Variants in TNPO3 observed in about 807,000 individuals in gnomAD.
The protein encoded by TNPO3 is transportin-3.
A neutral mutation model predicts 122.8 loss-of-function variants in TNPO3; 65 were observed. That is an observed-to-expected ratio of 0.53 (90% CI 0.43 to 0.65). The LOEUF (loss-of-function observed/expected upper bound fraction) is 0.65. Among genes scored for constraint, TNPO3 ranks in the 30% least tolerant of loss-of-function variants. The probability of loss-of-function intolerance (pLI) is 0.00; values close to 1 mark genes in which losing one functional copy is unlikely to be tolerated. For synonymous variants in TNPO3, 372 were observed against 411.2 expected (o/e 0.90, Z 1.15); for missense variants, 850 against 1,136.7 (o/e 0.75, Z 3.63).
intron 5 of TNPO3, among the ~76,000 whole-genome samples, chr7:129,001,784 C>T (rs939832841): frequency 6.6e-6 from 1 of 152,210 alleles, no homozygotes; most frequent in African/African-American, 2.4e-5. Context: ...GCCTTTCTGT[C>T]CCGAAGTCAT....
rs962593701 is a variant in TNPO3 at position 128,984,348 on chromosome 7, C to T, written c.1691-89G>A. The T allele has an allele frequency of 1.5e-5, 12 of 784,070 alleles. 1 individual carries two copies. The East Asian group carries it at 2.1e-4, about 14-fold the overall frequency. 48.6% of individuals were successfully genotyped at this position (784,070 alleles called of 1,614,324 possible). On this transcript the variant is annotated intron_variant, in intron 12 of 22. Coordinates refer to ENST00000265388, the MANE Select transcript of TNPO3 (RefSeq NM_012470.4). ...ACATCATGTGAGTGACCAGAAAAAG[C>T]GAACTGGTTTGGTTCCATTCTTTTA...
intron 21 of TNPO3, among the ~76,000 whole-genome samples, chr7:128,961,512 A>T (rs2128981164): frequency 6.6e-6 from 1 of 152,032 alleles, no homozygotes; most frequent in East Asian, 1.9e-4. Flanking sequence ...CTAATGACAC[A>T]TTTCTTGGAA....
chr7:128,993,203 A>T (rs1800940272), intron 9 of TNPO3, among the ~76,000 whole-genome samples: 1 of 152,072 alleles, frequency 6.6e-6, no homozygotes, highest in Non-Finnish European at 1.5e-5. Flanking sequence ...TTCAGAGCTC[A>T]TTAGAATATA....
intron 12 of TNPO3, among the ~76,000 whole-genome samples, chr7:128,985,499 G>C (rs183970881): frequency 1.0e-3 from 154 of 152,296 alleles, no homozygotes; most frequent in African/African-American, 3.5e-3. Flanking sequence ...GGGAAGCTGA[G>C]ACACGAGGGT....
chr7:129,036,145 G>A (rs1019484434), intron 1 of TNPO3, among the ~76,000 whole-genome samples: 4 of 151,814 alleles, frequency 2.6e-5, no homozygotes, highest in Non-Finnish European at 4.4e-5. Flanking sequence ...ATAGAGACGG[G>A]GGTTTCACCA....
At chr7:128,992,142 AAAAC>A in intron 9 of TNPO3, 52 bp from the exon 10 acceptor site, 1 of 972,492 alleles carries the variant, frequency 1.0e-6, no homozygotes, top group South Asian at 1.5e-5. Context: ...ACAGAATGCC[AAAAC>A]AAACAAAACA....
intron 12 of TNPO3, among the ~76,000 whole-genome samples, chr7:128,986,506 G>A (rs916250401): frequency 1.3e-5 from 2 of 152,128 alleles, no homozygotes; most frequent in Admixed American, 6.5e-5. Flanking sequence ...TATATATACC[G>A]CAAGTAGTAT....
intron 19 of TNPO3, 66 bp from the exon 20 acceptor site, chr7:128,970,381 T>A: frequency 2.1e-6 from 3 of 1,456,788 alleles, no homozygotes. Flanking sequence ...CCAAGCACTC[T>A]TTCCCCTTTA....
chr7:129,014,281 G>A (rs974386095), intron 4 of TNPO3, among the ~76,000 whole-genome samples: 11 of 152,132 alleles, frequency 7.2e-5, no homozygotes, highest in African/African-American at 2.4e-4. Flanking sequence ...CCAGCACTTC[G>A]GGAGGCCAAG....
chr7:129,029,205 C>T (rs890976677), intron 1 of TNPO3: 2 of 164,180 alleles, frequency 1.2e-5, no homozygotes, highest in South Asian at 3.0e-4. Flanking sequence ...CTGGGGATGC[C>T]CCCAGAGAGG....
At chr7:129,030,678 G>A (rs1325522779) in intron 1 of TNPO3, among the ~76,000 whole-genome samples, 1 of 151,852 alleles carries the variant, frequency 6.6e-6, no homozygotes, top group Non-Finnish European at 1.5e-5. Flanking sequence ...TTAAATATTT[G>A]TTTTATATGG....
intron 11 of TNPO3, 135 bp downstream of exon 11, chr7:128,989,826 A>G: frequency 2.1e-6 from 2 of 933,758 alleles, no homozygotes; most frequent in Non-Finnish European, 3.2e-6. Context: ...CTTACAACAT[A>G]TTGTTTACTC....
At position 128,994,330 on chromosome 7, in the gene TNPO3, G is replaced by C. The variant is rs569542152; in HGVS notation, c.1159-416C>G. Among the ~76,000 whole-genome samples the C allele has an allele frequency of 3.3e-5, 5 of 152,102 alleles. No individual in the cohort carries two copies. In the East Asian group the frequency reaches 5.8e-4, roughly 18 times the overall value. On this transcript the variant is annotated intron_variant, in intron 8 of 22. Transcript: ENST00000265388. Reference sequence around the variant, plus strand: ...ACGCCACCACACCCGACTAATTTTTGTATTTTTAGTAGAGACAGGGTTTTA... The same window carrying C: ...ACGCCACCACACCCGACTAATTTTTCTATTTTTAGTAGAGACAGGGTTTTA...
intron 1 of TNPO3, among the ~76,000 whole-genome samples, chr7:129,026,452 G>A (rs931695549): frequency 1.6e-4 from 24 of 146,198 alleles, no homozygotes; most frequent in South Asian, 4.3e-4. Flanking sequence ...GGCCAAGCTG[G>A]AGTACAATGG....
At chr7:128,967,619 G>A (rs1250195335) in intron 20 of TNPO3, among the ~76,000 whole-genome samples, 4 of 152,204 alleles carry the variant, frequency 2.6e-5, no homozygotes, top group Non-Finnish European at 5.9e-5. Flanking sequence ...GGGGCAGCGG[G>A]CATCATTTCA....
chr7:129,034,196 TATAA>T (rs908627450), intron 1 of TNPO3, among the ~76,000 whole-genome samples: 19 of 152,308 alleles, frequency 1.2e-4, no homozygotes, highest in African/African-American at 3.8e-4. Flanking sequence ...TTCTAACTTA[TATAA>T]GGTACCTAAA....
At chr7:129,036,316 A>G (rs1806674375) in intron 1 of TNPO3, among the ~76,000 whole-genome samples, 1 of 152,076 alleles carries the variant, frequency 6.6e-6, no homozygotes, top group African/African-American at 2.4e-5. Context: ...TCCTGGGCTC[A>G]AGCAACCCTC....
At position 128,993,903 on chromosome 7, in the gene TNPO3, A is replaced by G; in HGVS notation, c.1170T>C (p.Pro390=). 6.2e-7 allele frequency: 1 copy of G among 1,613,992 alleles called. No individual in the cohort carries two copies. Among genetic ancestry groups the G allele is most frequent in the Non-Finnish European group, 8.5e-7 (1 of 1,179,954 alleles). The change falls in exon 9 of 23, where the codon CCT becomes CCC. Residue 390 remains proline, a synonymous_variant. Coordinates refer to ENST00000265388, the MANE Select transcript of TNPO3 (RefSeq NM_012470.4). The part of the protein sequence containing the change: ...CQLEPDHEGV[P]EETDDFGEFR... ...ACTCCCCAAAGTCATCAGTCTCCTC[A>G]GGAACCCCCTCCTAAAATATCAAAT...
chr7:129,032,437 C>A (rs1806058593), intron 1 of TNPO3, among the ~76,000 whole-genome samples: 2 of 152,106 alleles, frequency 1.3e-5, no homozygotes, highest in African/African-American at 4.8e-5. Context: ...AATGTAAGAT[C>A]ATTCAACATG....
Sources: allele counts gnomAD v4.1 joint callset (sites outside exome capture counted in the v4.1 genomes callset), GRCh38; gene constraint gnomAD v4.1.1; transcripts MANE v1.5; gene names NCBI Gene and HGNC (gene_info 2026-07-23, HGNC 2026-07-21).